Variants in RNF152 observed in about 807,000 individuals in gnomAD.
The protein encoded by RNF152 is E3 ubiquitin-protein ligase RNF152.
In RNF152, 11 loss-of-function variants were observed where a neutral mutation model predicts 12.7. That is an observed-to-expected ratio of 0.86 (90% CI 0.54 to 1.43). The LOEUF is 1.43. Among genes scored for constraint, RNF152 ranks in the 40% most tolerant of loss-of-function variants. RNF152 has a pLI of 0.00. For synonymous variants in RNF152, 113 were observed against 120.3 expected (o/e 0.94, Z 0.40); for missense variants, 255 against 274.8 (o/e 0.93, Z 0.51).
At chr18:61,835,604 T>C (rs1362193073) in intron 1 of RNF152, among the ~76,000 whole-genome samples, 1 of 152,130 alleles carries the variant, frequency 6.6e-6, no homozygotes, top group Non-Finnish European at 1.5e-5. Context: ...ATATCAAAAA[T>C]AATAAATTAA....
intron 1 of RNF152, among the ~76,000 whole-genome samples, chr18:61,820,290 C>T (rs1909326923): frequency 8.1e-6 from 1 of 123,618 alleles, no homozygotes; most frequent in African/African-American, 3.1e-5. Context: ...GATCGCACCA[C>T]TGCACTCCAG....
chr18:61,816,647 G>C, intron 1 of RNF152, 49 bp from the exon 2 acceptor site: 1 of 641,146 alleles, frequency 1.6e-6, no homozygotes, highest in Non-Finnish European at 2.7e-6. Context: ...CAAAGAAGTT[G>C]AGATGTCAAC....
chr18:61,814,860 C>A lies in RNF152; in HGVS notation c.*992G>T, dbSNP rs1376080855. ...CATTTGCCTCTTACAAAATGCAGGA[C>A]TTAAATACACAGAAGAGGAGCGAGT... On this transcript the variant is annotated 3_prime_UTR_variant, in exon 2 of 2. Transcript: ENST00000312828. 1 of 152,188 alleles carries A rather than the reference C, an allele frequency of 6.6e-6. No individual in the cohort carries two copies. The highest frequency in any genetic ancestry group is 1.5e-5 in the Non-Finnish European group (1 of 68,038). 9.4% of individuals were successfully genotyped at this position (152,188 alleles called of 1,614,324 possible).
At chr18:61,889,157 C>G (rs1912833059) in intron 1 of RNF152, among the ~76,000 whole-genome samples, 1 of 152,124 alleles carries the variant, frequency 6.6e-6, no homozygotes, top group Admixed American at 6.5e-5. Flanking sequence ...GGTGCTACAT[C>G]TTATCACTTG....
At chr18:61,866,988 G>A (rs1911761934) in intron 1 of RNF152, among the ~76,000 whole-genome samples, 1 of 152,186 alleles carries the variant, frequency 6.6e-6, no homozygotes, top group Non-Finnish European at 1.5e-5. Flanking sequence ...GCCTTATGTG[G>A]GCTTATTAAA....
chr18:61,862,136 GC>G (rs1376390519), intron 1 of RNF152, among the ~76,000 whole-genome samples: 1 of 152,108 alleles, frequency 6.6e-6, no homozygotes, highest in Non-Finnish European at 1.5e-5. Context: ...AGGAATTGAG[GC>G]TTTTTTCTCC....
chr18:61,826,949 C>T (rs372042625), intron 1 of RNF152, among the ~76,000 whole-genome samples: 2 of 152,160 alleles, frequency 1.3e-5, no homozygotes, highest in African/African-American at 2.4e-5. Context: ...GAGCAAAGAA[C>T]ATAAACAATG....
At chr18:61,832,692 T>C (rs891347856) in intron 1 of RNF152, among the ~76,000 whole-genome samples, 48 of 152,318 alleles carry the variant, frequency 3.2e-4, no homozygotes, top group African/African-American at 1.2e-3. Context: ...TTAACAGGCA[T>C]GCATTTTGTA....
intron 1 of RNF152, among the ~76,000 whole-genome samples, chr18:61,829,408 G>A (rs1048233254): frequency 2.6e-5 from 4 of 152,222 alleles, no homozygotes; most frequent in Non-Finnish European, 2.9e-5. Context: ...GGACCAGAGC[G>A]GCTGTCCCTG....
At chr18:61,841,984 T>C (rs546809499) in intron 1 of RNF152, among the ~76,000 whole-genome samples, 2 of 152,340 alleles carry the variant, frequency 1.3e-5, no homozygotes, top group Middle Eastern at 3.4e-3. Flanking sequence ...AATAAAACTT[T>C]ATTTACAAAA....
At chr18:61,891,617 C>T (rs185621955) in intron 1 of RNF152, among the ~76,000 whole-genome samples, 1 of 152,268 alleles carries the variant, frequency 6.6e-6, no homozygotes, top group African/African-American at 2.4e-5. Context: ...AAAGCACTGG[C>T]CTTTGTTTCA....
At chr18:61,887,596 A>C (rs1185657572) in intron 1 of RNF152, among the ~76,000 whole-genome samples, 1 of 151,080 alleles carries the variant, frequency 6.6e-6, no homozygotes, top group Non-Finnish European at 1.5e-5. Flanking sequence ...GCTACTCGAG[A>C]GGCTGAGGCA....
intron 1 of RNF152, among the ~76,000 whole-genome samples, chr18:61,848,800 G>A (rs1030442219): frequency 1.3e-5 from 2 of 152,178 alleles, no homozygotes; most frequent in Admixed American, 6.5e-5. Flanking sequence ...CAGGGAGGAG[G>A]AAAGTACTCA....
chr18:61,853,219 C>T (rs1309951225), intron 1 of RNF152, among the ~76,000 whole-genome samples: 2 of 151,740 alleles, frequency 1.3e-5, no homozygotes, highest in Non-Finnish European at 2.9e-5. Context: ...CTGAATTGGT[C>T]TCCTCATGCT....
chr18:61,836,865 G>A (rs556375530), intron 1 of RNF152, among the ~76,000 whole-genome samples: 2 of 152,322 alleles, frequency 1.3e-5, no homozygotes, highest in South Asian at 2.1e-4. Context: ...CATCTCCAAT[G>A]TAATGACCAA....
At chr18:61,863,433 CAAAAAAAA>C (rs34663065) in intron 1 of RNF152, among the ~76,000 whole-genome samples, 1 of 90,960 alleles carries the variant, frequency 1.1e-5, no homozygotes, top group Non-Finnish European at 2.2e-5. Context: ...GACTCCGTCT[CAAAAAAAA>C]AAAAAAAAAA....
At chr18:61,841,961 A>G (rs1018616068) in intron 1 of RNF152, among the ~76,000 whole-genome samples, 3 of 152,248 alleles carry the variant, frequency 2.0e-5, no homozygotes, top group Non-Finnish European at 2.9e-5. Flanking sequence ...ACAAATGGAC[A>G]TGACTGTGTT....
At chr18:61,866,797 C>T (rs554681927) in intron 1 of RNF152, among the ~76,000 whole-genome samples, 2 of 152,358 alleles carry the variant, frequency 1.3e-5, no homozygotes, top group East Asian at 3.9e-4. Context: ...TACTTGCCCG[C>T]TGTCCCCACC....
intron 1 of RNF152, among the ~76,000 whole-genome samples, chr18:61,824,355 T>C (rs922529993): frequency 1.3e-5 from 2 of 152,350 alleles, no homozygotes; most frequent in Admixed American, 6.5e-5. Context: ...TTCTATGACC[T>C]AAATAATTGC....
Sources: gnomAD v4.1 joint callset for allele counts (sites outside exome capture counted in the v4.1 genomes callset) on GRCh38, gnomAD v4.1.1 for gene constraint, MANE v1.5 for transcripts, NCBI Gene and HGNC (gene_info 2026-07-23, HGNC 2026-07-21) for gene names.